Variants in RIMS1 observed in about 807,000 individuals in gnomAD.
RIMS1 encodes regulating synaptic membrane exocytosis protein 1.
In RIMS1, 83 loss-of-function variants were observed where a neutral mutation model predicts 214.1. That is an observed-to-expected ratio of 0.39 (90% confidence interval 0.32 to 0.47). The LOEUF (loss-of-function observed/expected upper bound fraction) is 0.47, where lower values mean the gene tolerates loss of function less well. Among genes scored for constraint, RIMS1 ranks in the 20% least tolerant of loss-of-function variants. RIMS1 has a pLI of 0.99. For missense variants in RIMS1, 2,050 were observed against 2,161.8 expected, an observed-to-expected ratio of 0.95 and a Z score of 1.03; for synonymous variants, 793 against 786.8, an observed-to-expected ratio of 1.01 and a Z score of -0.13.
intron 2 of RIMS1, among the ~76,000 whole-genome samples, chr6:72,088,744 T>C (rs969535876): frequency 5.9e-5 from 9 of 152,176 alleles, no homozygotes; most frequent in African/African-American, 2.2e-4. Flanking sequence ...AATGCATAGT[T>C]TTTTAGTAAT....
At chr6:72,228,306 C>T (rs894966534) in intron 6 of RIMS1, among the ~76,000 whole-genome samples, 1 of 151,824 alleles carries the variant, frequency 6.6e-6, no homozygotes, top group Non-Finnish European at 1.5e-5. Context: ...TATACCTCCC[C>T]GTTTCCCCTG....
chr6:71,942,576 C>A (rs976445193), intron 1 of RIMS1, among the ~76,000 whole-genome samples: 9 of 152,004 alleles, frequency 5.9e-5, no homozygotes, highest in Admixed American at 6.6e-5. Flanking sequence ...TTAATTGTAA[C>A]ATTTGTTAAG....
intron 29 of RIMS1, among the ~76,000 whole-genome samples, chr6:72,366,173 T>G (rs2098010046): frequency 2.0e-5 from 3 of 152,158 alleles, no homozygotes. Flanking sequence ...GGCAGTAGGG[T>G]GGGACGTGAA....
At chr6:72,005,097 A>C (rs930306246) in intron 2 of RIMS1, among the ~76,000 whole-genome samples, 16 of 152,062 alleles carry the variant, frequency 1.1e-4, no homozygotes, top group African/African-American at 3.6e-4. Context: ...ATGGCTAGCC[A>C]GTTTTCCCAG....
intron 2 of RIMS1, among the ~76,000 whole-genome samples, chr6:72,018,171 G>A (rs1223767705): frequency 6.6e-6 from 1 of 152,128 alleles, no homozygotes; most frequent in Non-Finnish European, 1.5e-5. Flanking sequence ...ATAGATGAGA[G>A]GCAATGACTT....
At chr6:72,324,255 C>T (rs1428454414) in intron 28 of RIMS1, among the ~76,000 whole-genome samples, 5 of 151,708 alleles carry the variant, frequency 3.3e-5, no homozygotes, top group South Asian at 2.1e-4. Context: ...CATATGTAGA[C>T]GTGAAAAATA....
intron 1 of RIMS1, among the ~76,000 whole-genome samples, chr6:71,958,219 G>T (rs1291527602): frequency 6.6e-6 from 1 of 152,068 alleles, no homozygotes; most frequent in Non-Finnish European, 1.5e-5. Flanking sequence ...CACAGAGCAG[G>T]TTTCCTGTAT....
chr6:71,913,838 A>G (rs1298228354), intron 1 of RIMS1, among the ~76,000 whole-genome samples: 1 of 152,030 alleles, frequency 6.6e-6, no homozygotes, highest in African/African-American at 2.4e-5. Flanking sequence ...AAATGGGGCT[A>G]CACAGCTGGG....
intron 1 of RIMS1, among the ~76,000 whole-genome samples, chr6:71,961,262 A>G (rs1369138408): frequency 6.6e-6 from 1 of 152,160 alleles, no homozygotes; most frequent in Non-Finnish European, 1.5e-5. Flanking sequence ...ATTTTGAGAA[A>G]TAATCCCTTA....
intron 2 of RIMS1, among the ~76,000 whole-genome samples, chr6:72,063,668 T>C (rs1418974272): frequency 6.6e-6 from 1 of 152,206 alleles, no homozygotes; most frequent in Admixed American, 6.5e-5. Flanking sequence ...TCTAGGCAGG[T>C]GATTCACATT....
rs895188190 is a variant in RIMS1 at position 72,402,969 on chromosome 6, C to A, written c.*2255C>A. 6 of 152,386 alleles carry A rather than the reference C, an allele frequency of 3.9e-5. No homozygotes were observed. The highest frequency in any genetic ancestry group is 1.4e-4 in the African/African-American group (6 of 41,392). The allele number at this position is 152,386 out of a possible 1,614,324, so 9.4% of individuals were successfully genotyped here. A position where few individuals can be genotyped will look rare whatever the true frequency, so the allele number is the denominator to read the frequency against. ...CTATATTATGTCTTAATCGATGGCC[C>A]AAAGGGTACTTTGCATCACATACAA... On this transcript the variant is annotated 3_prime_UTR_variant, in exon 34 of 34. Coordinates refer to ENST00000521978, the MANE Select transcript of RIMS1 (RefSeq NM_014989.7).
chr6:72,180,898 G>A (rs2048322156), intron 5 of RIMS1, among the ~76,000 whole-genome samples: 1 of 152,192 alleles, frequency 6.6e-6, no homozygotes, highest in Admixed American at 6.5e-5. Context: ...GCCACAATAG[G>A]CAGTAAAAAC....
At chr6:72,223,950 A>T (rs549744015) in intron 6 of RIMS1, among the ~76,000 whole-genome samples, 1,642 of 151,020 alleles carry the variant, frequency 0.011, 9 homozygotes, top group Non-Finnish European at 0.017. Context: ...TCCGTCTCAA[A>T]AAAAAAAAAA....
At chr6:71,966,236 T>A (rs2151308153) in intron 1 of RIMS1, among the ~76,000 whole-genome samples, 1 of 152,358 alleles carries the variant, frequency 6.6e-6, no homozygotes, top group South Asian at 2.1e-4. Context: ...TATTCTTGAA[T>A]ATTTGTCCTG....
At chr6:72,146,163 C>G (rs1241425508) in intron 4 of RIMS1, among the ~76,000 whole-genome samples, 1 of 152,122 alleles carries the variant, frequency 6.6e-6, no homozygotes, top group East Asian at 1.9e-4. Context: ...CATTTTTCCT[C>G]TATTTTAATG....
At chr6:71,957,805 A>C (rs1213241916) in intron 1 of RIMS1, among the ~76,000 whole-genome samples, 2 of 150,576 alleles carry the variant, frequency 1.3e-5, no homozygotes, top group Non-Finnish European at 2.9e-5. Flanking sequence ...TTTTAGGAGA[A>C]AAAGAGTCAG....
intron 28 of RIMS1, among the ~76,000 whole-genome samples, chr6:72,317,886 A>T (rs1473705277): frequency 6.6e-6 from 1 of 152,014 alleles, no homozygotes; most frequent in Non-Finnish European, 1.5e-5. Flanking sequence ...TATTCTGTCC[A>T]TTTTTTCTTA....
At chr6:72,397,742 A>G (rs1264957781) in intron 31 of RIMS1, among the ~76,000 whole-genome samples, 2 of 152,180 alleles carry the variant, frequency 1.3e-5, no homozygotes, top group African/African-American at 2.4e-5. Flanking sequence ...TGACATGTCC[A>G]TGCAGTAGTC....
intron 26 of RIMS1, among the ~76,000 whole-genome samples, chr6:72,305,024 A>G (rs1001375176): frequency 2.0e-5 from 3 of 151,970 alleles, no homozygotes; most frequent in African/African-American, 7.2e-5. Flanking sequence ...TAGTATAGTA[A>G]TGATTTGAGG....
Sources: gnomAD v4.1 joint callset for allele counts (sites outside exome capture counted in the v4.1 genomes callset) on GRCh38, gnomAD v4.1.1 for gene constraint, MANE v1.5 for transcripts, NCBI Gene and HGNC (gene_info 2026-07-23, HGNC 2026-07-21) for gene names.